Variants in AKR1C3 observed in about 807,000 individuals in gnomAD.
AKR1C3 encodes the protein 3-alpha hydroxysteroid dehydrogenase, type II.
In AKR1C3, 48 loss-of-function variants were observed where a neutral mutation model predicts 43.6. That is an observed-to-expected ratio of 1.10 (90% CI 0.87 to 1.40). The LOEUF is 1.40. Among genes scored for constraint, AKR1C3 ranks in the 40% most tolerant of loss-of-function variants. AKR1C3 has a pLI of 0.00. For synonymous variants in AKR1C3, 162 were observed against 139.6 expected (o/e 1.16, Z -1.13); for missense variants, 482 against 391.2 (o/e 1.23, Z -1.96).
At chr10:5,095,822 C>G (rs1839192952) in intron 1 of AKR1C3, among the ~76,000 whole-genome samples, 1 of 152,046 alleles carries the variant, frequency 6.6e-6, no homozygotes, top group Non-Finnish European at 1.5e-5. Flanking sequence ...GTGTTCAGTT[C>G]TGTTGTGTAG....
intron 1 of AKR1C3, among the ~76,000 whole-genome samples, chr10:5,079,922 A>C (rs1303883519): frequency 6.6e-6 from 1 of 152,224 alleles, no homozygotes; most frequent in Non-Finnish European, 1.5e-5. Context: ...GAGGAAAGAA[A>C]ATTTTCTTTG....
rs782446327 is a variant in AKR1C3, at chr10:5,094,571, A to G, written c.84+43A>G. 3.7e-6 allele frequency: 6 copies of G among 1,602,364 alleles called. No individual in the cohort carries two copies. The African/African-American group carries it at 8.0e-5, about 21-fold the overall frequency. ...TAGTTTTCGGATTTCAAAAGAATAA[A>G]CCTAGTAGAAGTGAAACCCGTATTG... On this transcript the variant is annotated intron_variant, in intron 1 of 8. Transcript: ENST00000380554.
rs541936253 is a variant in AKR1C3 at position 5,055,536 on chromosome 10, G to A, written c.84+6641G>A. Among the ~76,000 whole-genome samples, 36 of 152,294 alleles carry A rather than the reference G, an allele frequency of 2.4e-4. No homozygotes were observed. In the South Asian group the frequency reaches 5.6e-3, roughly 24 times the overall value. On this transcript the variant is annotated intron_variant, in intron 1 of 8. Transcript: ENST00000439082. Reference sequence around the variant, plus strand: ...TTTTGATAGCCTCTGACACTAAGACGTCCACTGCTGCAACTACCCTTAAAC... The same window carrying A: ...TTTTGATAGCCTCTGACACTAAGACATCCACTGCTGCAACTACCCTTAAAC...
intron 1 of AKR1C3, among the ~76,000 whole-genome samples, chr10:5,071,474 C>A (rs56087817): frequency 0.11 from 17,010 of 152,178 alleles, 1,178 homozygotes; most frequent in South Asian, 0.23. Flanking sequence ...TCACAACTCA[C>A]GGTGACTAAG....
chr10:5,066,608 G>GT (rs1202434213), intron 1 of AKR1C3, among the ~76,000 whole-genome samples: 3 of 152,166 alleles, frequency 2.0e-5, no homozygotes, highest in African/African-American at 7.2e-5. Context: ...AATACCTAGA[G>GT]TTTGGAGTAT....
rs1408511966 is a variant in AKR1C3 at position 5,107,237 on chromosome 10, G to C, written c.930-224G>C. On this transcript the variant is annotated intron_variant, in intron 8 of 8. Coordinates refer to ENST00000380554, the MANE Select transcript of AKR1C3 (RefSeq NM_003739.6). ...GGAATATACTTGAATATTTGACTTT[G>C]TGTGTTTTACGTGTTAACTTCCAGA... Among the ~76,000 whole-genome samples, 142 of 149,138 alleles carry C rather than the reference G, an allele frequency of 9.5e-4. 1 individual carries two copies. Among genetic ancestry groups the C allele is most frequent in the Non-Finnish European group, 1.1e-3 (75 of 68,006 alleles).
At chr10:5,104,577 G>A (rs1839452297) in intron 7 of AKR1C3, among the ~76,000 whole-genome samples, 1 of 151,868 alleles carries the variant, frequency 6.6e-6, no homozygotes. Context: ...TGACTATTCT[G>A]TTATATGAAA....
At chr10:5,072,361 G>A (rs965376059) in intron 1 of AKR1C3, among the ~76,000 whole-genome samples, 5 of 152,294 alleles carry the variant, frequency 3.3e-5, no homozygotes, top group Admixed American at 6.5e-5. Context: ...GCAAATGTAA[G>A]GGTCATTTGT....
At chr10:5,064,472 G>C (rs1219298184) in intron 1 of AKR1C3, among the ~76,000 whole-genome samples, 1 of 152,116 alleles carries the variant, frequency 6.6e-6, no homozygotes, top group Non-Finnish European at 1.5e-5. Flanking sequence ...ATAGGCCCTG[G>C]CAAAGATTTC....
chr10:5,063,384 C>A (rs1225823851), intron 1 of AKR1C3, among the ~76,000 whole-genome samples: 2 of 152,004 alleles, frequency 1.3e-5, no homozygotes, highest in East Asian at 3.9e-4. Flanking sequence ...TTAGAATATA[C>A]TCCACAGGAA....
At chr10:5,098,265 T>A in intron 3 of AKR1C3, 1 of 908,632 alleles carries the variant, frequency 1.1e-6, no homozygotes, top group Non-Finnish European at 1.3e-6. Flanking sequence ...CACTTTTTTT[T>A]ATTATTGTTG....
At chr10:5,050,855 G>A (rs1554778856) in intron 1 of AKR1C3, among the ~76,000 whole-genome samples, 1 of 152,174 alleles carries the variant, frequency 6.6e-6, no homozygotes, top group Non-Finnish European at 1.5e-5. Context: ...CATAAGGTAG[G>A]CAGGCACTAG....
chr10:5,094,412 GCAAA>G, exon 1 of AKR1C3: 1 of 1,608,316 alleles, frequency 6.2e-7, no homozygotes, highest in South Asian at 1.1e-5. Context: ...AGAAGCAGCA[GCAAA>G]CATTTGCTAG....
intron 8 of AKR1C3, among the ~76,000 whole-genome samples, chr10:5,106,611 C>A (rs1554787312): frequency 6.6e-6 from 1 of 152,060 alleles, no homozygotes; most frequent in African/African-American, 2.4e-5. Context: ...ATTAGCCAGG[C>A]ATGGTGACAC....
intron 1 of AKR1C3, chr10:5,077,665 A>G: frequency 1.8e-6 from 2 of 1,087,090 alleles, no homozygotes; most frequent in East Asian, 1.1e-4. Context: ...CCTTAGTAAA[A>G]TGGCAGGATG....
intron 5 of AKR1C3, among the ~76,000 whole-genome samples, chr10:5,101,356 A>G (rs10904418): frequency 0.25 from 38,065 of 151,866 alleles, 5,396 homozygotes; most frequent in East Asian, 0.63. Context: ...GAGTTTTTAG[A>G]TAATCATTTT....
At position 5,056,853 on chromosome 10, in the gene AKR1C3, G is replaced by A. The variant is rs568962149; in HGVS notation, c.84+7958G>A. On this transcript the variant is annotated intron_variant, in intron 1 of 8. Coordinates refer to the AKR1C3 transcript ENST00000439082. ...AGCAAAGTCTCCCAATTACAACTGA[G>A]GAGGTGAGAGAAATACCTGGTGCCA... Among the ~76,000 whole-genome samples the A allele has an allele frequency of 1.3e-4, 20 of 152,332 alleles. No individual in the cohort carries two copies. The East Asian group carries it at 3.7e-3, about 28-fold the overall frequency.
chr10:5,062,158 A>G (rs1331352414), intron 1 of AKR1C3, among the ~76,000 whole-genome samples: 5 of 152,202 alleles, frequency 3.3e-5, no homozygotes, highest in Non-Finnish European at 7.3e-5. Context: ...AAGCATTTTG[A>G]GGACAGTGGT....
intron 1 of AKR1C3, among the ~76,000 whole-genome samples, chr10:5,095,822 C>A (rs1839192952): frequency 6.6e-6 from 1 of 152,046 alleles, no homozygotes; most frequent in African/African-American, 2.4e-5. Context: ...GTGTTCAGTT[C>A]TGTTGTGTAG....
Sources: allele counts gnomAD v4.1 joint callset (sites outside exome capture counted in the v4.1 genomes callset), GRCh38; gene constraint gnomAD v4.1.1; transcripts MANE v1.5; gene names NCBI Gene and HGNC (gene_info 2026-07-23, HGNC 2026-07-21).